The following PCDH15 variants were observed in gnomAD, a reference collection of about 807,000 sequenced individuals.
PCDH15 encodes the protein protocadherin related 15, also known as protocadherin-15.
Under a neutral mutation model 178.5 loss-of-function variants are expected in PCDH15, and 129 were observed. The ratio of observed to expected loss-of-function variants is 0.72; its 90% CI spans 0.63 to 0.84. The LOEUF (loss-of-function observed/expected upper bound fraction) is 0.84, where lower values mean the gene tolerates loss of function less well. PCDH15 is among the 40% of genes least tolerant of loss of function. The pLI is 0.00. For synonymous variants in PCDH15, 800 were observed against 732.0 expected (o/e 1.09, Z -1.50); for missense variants, 2,230 against 2,099.9 (o/e 1.06, Z -1.21).
intron 13 of PCDH15, among the ~76,000 whole-genome samples, chr10:54,157,396 T>G (rs1465570655): frequency 2.0e-5 from 3 of 152,216 alleles, no homozygotes; most frequent in Non-Finnish European, 4.4e-5. Context: ...GCTTGGAGCT[T>G]GAAACCTCTG....
At chr10:54,281,856 C>A (rs531999647) in intron 8 of PCDH15, among the ~76,000 whole-genome samples, 3 of 151,962 alleles carry the variant, frequency 2.0e-5, no homozygotes, top group Non-Finnish European at 4.4e-5. Flanking sequence ...AACTATCAGG[C>A]TGTTAATTTG....
chr10:55,430,159 C>T (rs1197188077), intron 2 of PCDH15, among the ~76,000 whole-genome samples: 1 of 152,040 alleles, frequency 6.6e-6, no homozygotes, highest in African/African-American at 2.4e-5. Context: ...GGCATGGTGG[C>T]ACGTACCTAT....
intron 7 of PCDH15, among the ~76,000 whole-genome samples, chr10:54,324,411 A>G (rs2133805265): frequency 6.6e-6 from 1 of 152,256 alleles, no homozygotes; most frequent in African/African-American, 2.4e-5. Context: ...GAAATATACA[A>G]CACCCTTGCT....
intron 2 of PCDH15, among the ~76,000 whole-genome samples, chr10:54,959,439 A>T (rs1171530283): frequency 6.6e-6 from 1 of 151,994 alleles, no homozygotes; most frequent in Non-Finnish European, 1.5e-5. Context: ...TCACAAATAG[A>T]TGTTACATCT....
intron 1 of PCDH15, among the ~76,000 whole-genome samples, chr10:55,254,979 T>G (rs1315300629): frequency 6.6e-6 from 1 of 152,158 alleles, no homozygotes; most frequent in African/African-American, 2.4e-5. Flanking sequence ...TACTTTAAGT[T>G]TTAGGGTACA....
intron 2 of PCDH15, among the ~76,000 whole-genome samples, chr10:54,635,818 T>C (rs1326168719): frequency 6.6e-6 from 1 of 151,958 alleles, no homozygotes; most frequent in East Asian, 1.9e-4. Flanking sequence ...CACTGGATCT[T>C]ATATTTATCA....
At chr10:54,807,090 A>G (rs2133724077) in intron 3 of PCDH15, among the ~76,000 whole-genome samples, 2 of 152,312 alleles carry the variant, frequency 1.3e-5, no homozygotes, top group Middle Eastern at 6.8e-3. Context: ...AGTGGCCCAG[A>G]TAAAGGGACC....
chr10:54,779,505 T>C (rs574642613), intron 1 of PCDH15, among the ~76,000 whole-genome samples: 3 of 141,894 alleles, frequency 2.1e-5, no homozygotes, highest in African/African-American at 2.6e-5. Flanking sequence ...TATACACACA[T>C]ATATGTGTGT....
At chr10:54,223,269 C>T (rs967223686) in intron 9 of PCDH15, among the ~76,000 whole-genome samples, 17 of 134,388 alleles carry the variant, frequency 1.3e-4, no homozygotes, top group African/African-American at 4.8e-4. Context: ...GAGATTGTGC[C>T]GTTGCACTCC....
intron 2 of PCDH15, among the ~76,000 whole-genome samples, chr10:55,555,914 C>G (rs1306490870): frequency 6.6e-6 from 1 of 152,110 alleles, no homozygotes; most frequent in Non-Finnish European, 1.5e-5. Flanking sequence ...CTGACATCAT[C>G]CAAAGAAATC....
chr10:55,470,783 C>T lies in PCDH15; in HGVS notation c.-156+156842G>A, dbSNP rs1158094571. On this transcript the variant is annotated intron_variant, in intron 2 of 5. Coordinates refer to the PCDH15 transcript ENST00000613346. ...AGACTATCATACAAAGTTGTTTTCACTGTCCTAAAAACCCTCTGTGCTGCA... is the reference window on the plus strand; with the variant it reads ...AGACTATCATACAAAGTTGTTTTCATTGTCCTAAAAACCCTCTGTGCTGCA... Among the ~76,000 whole-genome samples, 3 of 151,910 alleles carry T rather than the reference C, an allele frequency of 2.0e-5. No individual in the cohort carries two copies. The East Asian group carries it at 5.8e-4, about 29-fold the overall frequency.
intron 2 of PCDH15, among the ~76,000 whole-genome samples, chr10:54,656,610 A>G (rs963816406): frequency 2.6e-5 from 4 of 152,120 alleles, no homozygotes; most frequent in Admixed American, 2.6e-4. Flanking sequence ...GAGTCACCAC[A>G]TCACAAGATC....
intron 21 of PCDH15, among the ~76,000 whole-genome samples, chr10:53,983,228 G>A (rs1170675297): frequency 6.6e-6 from 1 of 151,704 alleles, no homozygotes; most frequent in African/African-American, 2.4e-5. Flanking sequence ...GGGTGTGTGT[G>A]TGTTTGTGTG....
At chr10:53,817,156 T>C (rs1037190611) in intron 34 of PCDH15, among the ~76,000 whole-genome samples, 1 of 142,004 alleles carries the variant, frequency 7.0e-6, no homozygotes. Context: ...TATAATACAG[T>C]TGTTGGTGAG....
intron 2 of PCDH15, among the ~76,000 whole-genome samples, chr10:54,589,121 T>G (rs546058094): frequency 6.6e-6 from 1 of 152,314 alleles, no homozygotes; most frequent in South Asian, 2.1e-4. Context: ...TAGTAATCAT[T>G]ACTCAACATA....
upstream of PCDH15, among the ~76,000 whole-genome samples, chr10:55,320,358 GT>G (rs541785780): frequency 1.8e-3 from 229 of 126,254 alleles, no homozygotes; most frequent in African/African-American, 7.0e-3. Flanking sequence ...CCCCACCCCA[GT>G]CCACACCATG....
intron 2 of PCDH15, among the ~76,000 whole-genome samples, chr10:55,148,059 C>T (rs566172973): frequency 4.5e-4 from 69 of 151,814 alleles, no homozygotes; most frequent in African/African-American, 1.4e-3. Context: ...TGTAAATATG[C>T]TTAAAGCTAA....
At chr10:55,138,826 A>G (rs1276688245) in intron 2 of PCDH15, among the ~76,000 whole-genome samples, 2 of 152,124 alleles carry the variant, frequency 1.3e-5, no homozygotes, top group African/African-American at 4.8e-5. Flanking sequence ...TTCTGTTATT[A>G]TAGTTTTCAT....
chr10:55,507,342 A>G (rs1840779656), intron 2 of PCDH15, among the ~76,000 whole-genome samples: 2 of 151,494 alleles, frequency 1.3e-5, no homozygotes, highest in South Asian at 4.1e-4. Flanking sequence ...ACATGCACAT[A>G]CACACACATA....
Sources: gnomAD v4.1 joint callset for allele counts (sites outside exome capture counted in the v4.1 genomes callset) on GRCh38, gnomAD v4.1.1 for gene constraint, MANE v1.5 for transcripts, NCBI Gene and HGNC (gene_info 2026-07-23, HGNC 2026-07-21) for gene names.